The following PBRM1 variants were observed in gnomAD, a reference collection of about 807,000 sequenced individuals.
PBRM1 encodes the protein polybromo 1.
Under a neutral mutation model 194.5 loss-of-function variants are expected in PBRM1, and 27 were observed. The ratio of observed to expected loss-of-function variants is 0.14; its 90% CI spans 0.10 to 0.19. The LOEUF (loss-of-function observed/expected upper bound fraction) is 0.19, where lower values mean the gene tolerates loss of function less well. Ranked by LOEUF, PBRM1 falls within the 10% of genes least tolerant of loss-of-function variation. PBRM1 has a pLI of 1.00. For missense variants in PBRM1, 1,466 were observed against 2,077.2 expected, an observed-to-expected ratio of 0.71 and a Z score of 5.72; for synonymous variants, 655 against 693.2, an observed-to-expected ratio of 0.94 and a Z score of 0.87.
chr3:52,634,230 A>G (rs969341299), intron 11 of PBRM1, among the ~76,000 whole-genome samples: 1 of 152,132 alleles, frequency 6.6e-6, no homozygotes, highest in African/African-American at 2.4e-5. Flanking sequence ...TGAGGTCAGG[A>G]GATCGAGACC....
chr3:52,683,950 C>G (rs972933864), upstream of PBRM1, among the ~76,000 whole-genome samples: 2 of 126,274 alleles, frequency 1.6e-5, no homozygotes, highest in Admixed American at 8.5e-5. Context: ...GCAGGATGAC[C>G]GCTTGAGGCA....
intron 3 of PBRM1, among the ~76,000 whole-genome samples, chr3:52,666,173 T>C (rs947041873): frequency 3.3e-5 from 5 of 152,156 alleles, no homozygotes; most frequent in Admixed American, 2.6e-4. Flanking sequence ...CCTAGCTACC[T>C]GGTAGGCTGA....
chr3:52,593,957 TTG>T (rs2093339998), intron 17 of PBRM1, among the ~76,000 whole-genome samples: 1 of 152,160 alleles, frequency 6.6e-6, no homozygotes, highest in Non-Finnish European at 1.5e-5. Context: ...TGGCCCAGTG[TTG>T]TGTTCAGGTC....
chr3:52,585,087 C>A (rs541357694), intron 20 of PBRM1, among the ~76,000 whole-genome samples: 119 of 152,322 alleles, frequency 7.8e-4, no homozygotes, highest in Non-Finnish European at 1.4e-3. Context: ...TGAATTCCCA[C>A]TTCTTGGTCA....
chr3:52,680,420 C>T (rs1160146038), upstream of PBRM1, among the ~76,000 whole-genome samples: 1 of 152,192 alleles, frequency 6.6e-6, no homozygotes, highest in Non-Finnish European at 1.5e-5. Context: ...TCCTTTGAAA[C>T]TCTTCTGTTA....
chr3:52,683,631 C>T (rs566965105), upstream of PBRM1, among the ~76,000 whole-genome samples: 8 of 151,688 alleles, frequency 5.3e-5, no homozygotes, highest in Admixed American at 1.3e-4. Context: ...CTGGCCAACA[C>T]GGTGAAACCC....
intron 12 of PBRM1, among the ~76,000 whole-genome samples, chr3:52,628,576 C>T (rs1374625614): frequency 2.0e-5 from 3 of 151,680 alleles, no homozygotes; most frequent in Non-Finnish European, 2.9e-5. Flanking sequence ...GCTTAAGCAA[C>T]CCTCCCACCG....
chr3:52,551,473 G>C (rs1225053101), intron 27 of PBRM1, among the ~76,000 whole-genome samples: 1 of 152,164 alleles, frequency 6.6e-6, no homozygotes, highest in East Asian at 1.9e-4. Flanking sequence ...AAGGAACAGA[G>C]AGACTTCATG....
Position 52,628,857 on chromosome 3 carries a change from T to C in PBRM1, c.1443+37A>G, listed in dbSNP as rs1221669024. On this transcript the variant is annotated intron_variant, in intron 12 of 29. Transcript: ENST00000296302. ...AAAACATGCAAAATTATTTTAATCA[T>C]ATATACAACAAACTCAGCAAAAACA... The C allele has an allele frequency of 3.8e-6, 6 of 1,592,130 alleles. No individual in the cohort carries two copies. The East Asian group carries it at 1.1e-4, about 30-fold the overall frequency.
At chr3:52,670,810 T>C (rs1015739815) in intron 2 of PBRM1, among the ~76,000 whole-genome samples, 4 of 152,230 alleles carry the variant, frequency 2.6e-5, no homozygotes, top group African/African-American at 9.6e-5. Flanking sequence ...TGTGCAAAGA[T>C]GGTGCTGGTG....
At chr3:52,583,700 C>A (rs532372074) in intron 20 of PBRM1, among the ~76,000 whole-genome samples, 10 of 152,006 alleles carry the variant, frequency 6.6e-5, no homozygotes, top group African/African-American at 1.9e-4. Context: ...AATCATAAAT[C>A]AATAAAATGA....
chr3:52,587,494 A>G (rs1240234618), exon 19 of PBRM1: 36 of 1,607,844 alleles, frequency 2.2e-5, no homozygotes, highest in Non-Finnish European at 2.8e-5. Context: ...ACCAACAGCC[A>G]TACAACCATT....
In PBRM1 at chr3:52,648,456, C is replaced by T; in HGVS notation, c.715-14G>A. 4 of 1,356,614 alleles carry T rather than the reference C, an allele frequency of 2.9e-6. No individual in the cohort carries two copies. Among genetic ancestry groups the T allele is most frequent in the Non-Finnish European group, 4.2e-6 (4 of 954,498 alleles). The allele number at this position is 1,356,614 out of a possible 1,614,324, so 84.0% of individuals were successfully genotyped here. The stretch of plus-strand genomic sequence containing the variant: ...GTAGCTTCCATTCTACAATAAACAA[C>T]AAAATATAGCAGTTCCTTTTAATGA... On this transcript the variant is annotated splice_polypyrimidine_tract_variant and intron_variant, in intron 6 of 29. Coordinates refer to ENST00000296302, the Ensembl canonical transcript of PBRM1.
At chr3:52,545,776 T>C (rs1300944120), downstream of PBRM1, 1 of 233,092 alleles carries the variant, frequency 4.3e-6, no homozygotes, top group Non-Finnish European at 8.5e-6. Flanking sequence ...CATTATACTT[T>C]CTAAGCCACA....
chr3:52,612,812 A>G (rs2094709032), intron 15 of PBRM1, among the ~76,000 whole-genome samples: 2 of 151,896 alleles, frequency 1.3e-5, no homozygotes, highest in Admixed American at 6.6e-5. Context: ...AGGCTGAGGC[A>G]GAAGAATTGG....
At chr3:52,581,470 G>A (rs1301821213) in intron 20 of PBRM1, among the ~76,000 whole-genome samples, 3 of 147,864 alleles carry the variant, frequency 2.0e-5, no homozygotes, top group East Asian at 2.0e-4. Flanking sequence ...AGATTGTGCC[G>A]CTATACTCCA....
At chr3:52,603,809 T>C in intron 16 of PBRM1, 77 bp from the exon 19 acceptor site, 1 of 1,240,344 alleles carries the variant, frequency 8.1e-7, no homozygotes, top group Non-Finnish European at 1.1e-6. Context: ...TAAATTCTAT[T>C]AAATGCTTCT....
intron 2 of PBRM1, among the ~76,000 whole-genome samples, chr3:52,674,643 A>AAAAAAATAT (rs1193129880): frequency 3.3e-4 from 24 of 72,392 alleles, no homozygotes; most frequent in African/African-American, 8.9e-4. Flanking sequence ...AAAAAAAAAA[A>AAAAAAATAT]ATATATATAT....
At chr3:52,559,856 A>AG (rs2083070319) in intron 25 of PBRM1, among the ~76,000 whole-genome samples, 1 of 151,910 alleles carries the variant, frequency 6.6e-6, no homozygotes, top group Non-Finnish European at 1.5e-5. Flanking sequence ...TAAAAAAAAA[A>AG]AAAAAAATCG....
Sources: gnomAD v4.1 joint callset for allele counts (sites outside exome capture counted in the v4.1 genomes callset) on GRCh38, gnomAD v4.1.1 for gene constraint, MANE v1.5 for transcripts, NCBI Gene and HGNC (gene_info 2026-07-23, HGNC 2026-07-21) for gene names.